The following GLIS1 variants were observed in gnomAD, a reference collection of about 807,000 sequenced individuals.
GLIS1 encodes the protein zinc finger protein GLIS1.
In GLIS1, 24 loss-of-function variants were observed where a neutral mutation model predicts 63.8. The ratio of observed to expected loss-of-function variants is 0.38; its 90% CI spans 0.27 to 0.53. GLIS1 has a LOEUF of 0.53. Ranked by LOEUF, GLIS1 falls within the 20% of genes least tolerant of loss-of-function variation. The pLI is 0.85. For missense variants in GLIS1, 1,036 were observed against 1,074.1 expected, an observed-to-expected ratio of 0.96 and a Z score of 0.50; for synonymous variants, 450 against 482.5, an observed-to-expected ratio of 0.93 and a Z score of 0.88.
intron 4 of GLIS1, among the ~76,000 whole-genome samples, chr1:53,571,598 A>T (rs1644984730): frequency 1.3e-5 from 2 of 151,706 alleles, no homozygotes; most frequent in African/African-American, 2.4e-5. Context: ...TTTTTTTGAG[A>T]CAGAGTCTCA....
At chr1:53,573,839 G>C (rs1334549387) in intron 4 of GLIS1, among the ~76,000 whole-genome samples, 1 of 152,220 alleles carries the variant, frequency 6.6e-6, no homozygotes, top group Non-Finnish European at 1.5e-5. Flanking sequence ...TCCCTTCGGA[G>C]TGGCTCCGGC....
At chr1:53,590,239 A>T (rs1363188460) in intron 4 of GLIS1, among the ~76,000 whole-genome samples, 1 of 152,126 alleles carries the variant, frequency 6.6e-6, no homozygotes, top group East Asian at 1.9e-4. Flanking sequence ...AGTATGCTGT[A>T]GTTCAGAAAG....
chr1:53,705,563 T>C (rs990706082), intron 2 of GLIS1, among the ~76,000 whole-genome samples: 1 of 152,072 alleles, frequency 6.6e-6, no homozygotes, highest in Non-Finnish European at 1.5e-5. Context: ...ATTTTAAATA[T>C]GAAAAGAAAA....
Position 53,716,779 on chromosome 1 carries a change from G to A in GLIS1, c.259+21027C>T, listed in dbSNP as rs774418702. Among the ~76,000 whole-genome samples, 92 of 152,134 alleles carry A rather than the reference G, an allele frequency of 6.0e-4. 1 individual carries two copies. The highest frequency in any genetic ancestry group is 1.1e-3 in the Non-Finnish European group (78 of 68,032). On this transcript the variant is annotated intron_variant, in intron 2 of 10. Transcript: ENST00000628545. ...ATACAGAAAGCCAAACAGGCAACTA[G>A]GGGGATTTCTAGAAACCGGCAGTAG...
At chr1:53,620,678 T>G (rs1217053787) in intron 2 of GLIS1, among the ~76,000 whole-genome samples, 3 of 152,098 alleles carry the variant, frequency 2.0e-5, no homozygotes, top group Non-Finnish European at 2.9e-5. Context: ...CAAGGAGGGC[T>G]GGGGGTGGAA....
At chr1:53,600,374 A>C in intron 2 of GLIS1, 96 bp from the exon 3 acceptor site, 1 of 696,510 alleles carries the variant, frequency 1.4e-6, no homozygotes, top group Non-Finnish European at 2.0e-6. Context: ...ACAGCAAGGG[A>C]CAGGGCACCC....
chr1:53,524,943 G>T, intron 5 of GLIS1, 56 bp from the exon 6 acceptor site: 1 of 1,308,234 alleles, frequency 7.6e-7, no homozygotes, highest in Non-Finnish European at 1.1e-6. Context: ...CGGGACACGC[G>T]CCTCCGCGTG....
rs1644401089 is a variant in GLIS1 at position 53,520,836 on chromosome 1, G to T, written c.1594-70C>A. 3 of 1,490,972 alleles carry T rather than the reference G, an allele frequency of 2.0e-6. No homozygotes were observed. In the South Asian group the frequency reaches 4.1e-5, roughly 20 times the overall value. 92.4% of individuals were successfully genotyped at this position (1,490,972 alleles called of 1,614,324 possible). A position where few individuals can be genotyped will look rare whatever the true frequency, so the allele number is the denominator to read the frequency against. On this transcript the variant is annotated intron_variant, in intron 6 of 10. Coordinates refer to ENST00000628545, the MANE Select transcript of GLIS1 (RefSeq NM_001367484.1). ...TGCCCACCAGCAACCCTCACGTTAGGGGACAGGGCAGAAAGGACTGCAGCC... is the reference window on the plus strand; with the variant it reads ...TGCCCACCAGCAACCCTCACGTTAGTGGACAGGGCAGAAAGGACTGCAGCC...
intron 7 of GLIS1, among the ~76,000 whole-genome samples, chr1:53,519,633 G>A (rs191442022): frequency 2.6e-4 from 40 of 152,260 alleles, no homozygotes; most frequent in Non-Finnish European, 1.6e-4. Context: ...TTCCTGCTGC[G>A]GCCTGAGACC....
At chr1:53,609,399 T>A (rs959852358) in intron 2 of GLIS1, among the ~76,000 whole-genome samples, 1 of 149,892 alleles carries the variant, frequency 6.7e-6, no homozygotes, top group African/African-American at 2.5e-5. Context: ...GCCTCCTGAG[T>A]AGCTGCGACT....
intron 4 of GLIS1, among the ~76,000 whole-genome samples, chr1:53,533,603 C>A (rs1261370142): frequency 6.6e-6 from 1 of 152,190 alleles, no homozygotes. Context: ...AACAGAGGTA[C>A]CAGCAGACGA....
Position 53,509,881 on chromosome 1 carries a change from C to T in GLIS1, c.2030G>A (p.Ser677Asn), listed in dbSNP as rs1006058214. The T allele has an allele frequency of 2.3e-6, 3 of 1,306,750 alleles. No homozygotes were observed. Among genetic ancestry groups the T allele is most frequent in the Non-Finnish European group, 2.9e-6 (3 of 1,018,958 alleles). 80.9% of individuals were successfully genotyped at this position (1,306,750 alleles called of 1,614,324 possible). A position where few individuals can be genotyped will look rare whatever the true frequency, so the allele number is the denominator to read the frequency against. ...GCTGGGCAGAGGCGGGGGTGGAGGG[C>T]TCTGGAAGGGTGGGTAGGACGGCTT... ...PSKPSYPPFQ[S>N]PPPPPLPSPQ... The change falls in exon 9 of 11, where the codon AGC becomes AAC. Residue 677 changes from serine (S) to asparagine (N), a missense_variant. Around this residue, in one of 3 missense-constraint regions of GLIS1, gnomAD observed 400 missense variants for 400.9 expected, o/e 1.00. Coordinates refer to ENST00000628545, the MANE Select transcript of GLIS1 (RefSeq NM_001367484.1).
chr1:53,513,285 C>T (rs545699577), intron 8 of GLIS1, among the ~76,000 whole-genome samples: 1 of 152,222 alleles, frequency 6.6e-6, no homozygotes, highest in East Asian at 1.9e-4. Flanking sequence ...GTCTGTCCAG[C>T]GCCCCACAGT....
intron 2 of GLIS1, among the ~76,000 whole-genome samples, chr1:53,724,293 T>G (rs973083811): frequency 6.6e-6 from 1 of 152,222 alleles, no homozygotes; most frequent in African/African-American, 2.4e-5. Flanking sequence ...TATTTTAGAC[T>G]AATGCTGTCC....
At chr1:53,588,210 C>A (rs1645155084) in intron 4 of GLIS1, among the ~76,000 whole-genome samples, 1 of 152,196 alleles carries the variant, frequency 6.6e-6, no homozygotes, top group Admixed American at 6.5e-5. Flanking sequence ...CCCTCCCTGT[C>A]TCCATCATCC....
In GLIS1 at chr1:53,639,756, T is replaced by C. The variant is rs1448034359; in HGVS notation, c.260-39478A>G. On this transcript the variant is annotated intron_variant, in intron 2 of 10. Transcript: ENST00000628545. The surrounding 1 kb of genome is among the most constrained non-coding windows in gnomAD (Gnocchi z 4.6). Reference sequence around the variant, plus strand: ...AGCCAGTCTCAAGGACCAGGAGCACTGCTGTGGGCTTCAATGTATGCAAAC... The same window carrying C: ...AGCCAGTCTCAAGGACCAGGAGCACCGCTGTGGGCTTCAATGTATGCAAAC... Among the ~76,000 whole-genome samples, 1 of 152,162 alleles carries C rather than the reference T, an allele frequency of 6.6e-6. No homozygotes were observed. The highest frequency in any genetic ancestry group is 1.5e-5 in the Non-Finnish European group (1 of 68,028).
intron 2 of GLIS1, among the ~76,000 whole-genome samples, chr1:53,676,228 G>A (rs1186870712): frequency 6.6e-6 from 1 of 152,196 alleles, no homozygotes; most frequent in East Asian, 1.9e-4. Flanking sequence ...GTCAGCCTCA[G>A]TGGCTCCACT....
At chr1:53,688,744 T>G (rs894422871) in intron 2 of GLIS1, 21 of 151,916 alleles carry the variant, frequency 1.4e-4, no homozygotes, top group East Asian at 3.9e-4. Context: ...GGTTTTTGTG[T>G]GGGGGGGGAT....
chr1:53,560,431 C>A lies in GLIS1; in HGVS notation c.1321-30479G>T, dbSNP rs1052106486. The stretch of plus-strand genomic sequence containing the variant: ...CCTGTTTGCAAGGGCAGGGGTTCCA[C>A]TGGCAGACGGACAGTTCCGGTCGGG... On this transcript the variant is annotated intron_variant, in intron 4 of 10. Coordinates refer to ENST00000628545, the MANE Select transcript of GLIS1 (RefSeq NM_001367484.1). This position sits in a 1 kb window ranked among gnomAD's most constrained non-coding sequence, Gnocchi z 4.4. Among the ~76,000 whole-genome samples the A allele has an allele frequency of 1.3e-5, 2 of 152,228 alleles. No individual in the cohort carries two copies. Among genetic ancestry groups the A allele is most frequent in the Non-Finnish European group, 2.9e-5 (2 of 68,042 alleles).
Sources: allele counts gnomAD v4.1 joint callset (sites outside exome capture counted in the v4.1 genomes callset), GRCh38; gene constraint gnomAD v4.1.1; regional missense constraint gnomAD v4.1.1; non-coding constraint Gnocchi (gnomAD v3.1); transcripts MANE v1.5; gene names NCBI Gene and HGNC (gene_info 2026-07-23, HGNC 2026-07-21).